EBF1: variants seen among roughly 807,000 people sequenced by gnomAD.
EBF1 encodes transcription factor COE1.
EBF1 carries 10 observed loss-of-function variants against 68.4 expected under a neutral mutation model. That is an observed-to-expected ratio of 0.15 (90% CI 0.09 to 0.25). The LOEUF (loss-of-function observed/expected upper bound fraction) is 0.25. Among genes scored for constraint, EBF1 ranks in the 10% least tolerant of loss-of-function variants. EBF1 has a pLI of 1.00. For synonymous variants in EBF1, 298 were observed against 299.8 expected (o/e 0.99, Z 0.06); for missense variants, 509 against 794.4 (o/e 0.64, Z 4.32).
intron 14 of EBF1, among the ~76,000 whole-genome samples, chr5:158,710,986 T>A (rs1759121031): frequency 6.6e-6 from 1 of 152,238 alleles, no homozygotes; most frequent in South Asian, 2.1e-4. Context: ...ATTTTATAGA[T>A]AAGGAGGCCA....
rs143629219 is a variant in EBF1, at chr5:158,994,316, T to G, written c.554+79080A>C. Among the ~76,000 whole-genome samples, 173 of 152,370 alleles carry G rather than the reference T, an allele frequency of 1.1e-3. 4 individuals carry two copies. In the East Asian group the frequency reaches 0.029, roughly 26 times the overall value. On this transcript the variant is annotated intron_variant, in intron 6 of 15. Coordinates refer to ENST00000313708, the MANE Select transcript of EBF1 (RefSeq NM_024007.5). ...TGAGCGATCTGATTCCAGATATTATTTGGGTACTGTGTACAGTGGCTTTGC... is the reference window on the plus strand; with the variant it reads ...TGAGCGATCTGATTCCAGATATTATGTGGGTACTGTGTACAGTGGCTTTGC...
At chr5:158,862,911 G>T (rs537682515) in intron 6 of EBF1, among the ~76,000 whole-genome samples, 20 of 152,312 alleles carry the variant, frequency 1.3e-4, no homozygotes, top group African/African-American at 4.8e-4. Context: ...ATTCTTGAAC[G>T]ATTGAATTCT....
At chr5:158,711,848 C>G (rs1441910988) in intron 14 of EBF1, among the ~76,000 whole-genome samples, 2 of 152,110 alleles carry the variant, frequency 1.3e-5, no homozygotes, top group Non-Finnish European at 1.5e-5. Context: ...CTGGGAGAAG[C>G]AGGAGTCAAC....
intron 6 of EBF1, among the ~76,000 whole-genome samples, chr5:159,044,136 G>C (rs1199631251): frequency 6.6e-6 from 1 of 152,110 alleles, no homozygotes; most frequent in East Asian, 1.9e-4. Flanking sequence ...ATGATGTTCT[G>C]TGTATATCAT....
chr5:158,994,331 AGTG>A (rs1433260113), intron 6 of EBF1, among the ~76,000 whole-genome samples: 2 of 152,230 alleles, frequency 1.3e-5, no homozygotes, highest in Non-Finnish European at 2.9e-5. Flanking sequence ...TACTGTGTAC[AGTG>A]GCTTTGCCCA....
intron 6 of EBF1, among the ~76,000 whole-genome samples, chr5:159,038,404 C>T (rs1157585507): frequency 6.6e-6 from 1 of 152,072 alleles, no homozygotes; most frequent in Non-Finnish European, 1.5e-5. Context: ...ATTCTCCAGT[C>T]GAGATGGACC....
chr5:158,925,628 T>C (rs1186391710), intron 6 of EBF1, among the ~76,000 whole-genome samples: 2 of 152,198 alleles, frequency 1.3e-5, no homozygotes, highest in African/African-American at 4.8e-5. Flanking sequence ...ACCTTGGGAA[T>C]TGTAGCCATG....
At chr5:158,856,022 T>C (rs1793934854) in intron 6 of EBF1, among the ~76,000 whole-genome samples, 1 of 152,192 alleles carries the variant, frequency 6.6e-6, no homozygotes, top group Non-Finnish European at 1.5e-5. Context: ...AACAATAGTT[T>C]ATTAAAACAA....
chr5:158,986,342 A>G (rs1003409606), intron 6 of EBF1: 1 of 152,166 alleles, frequency 6.6e-6, no homozygotes, highest in African/African-American at 2.4e-5. Context: ...TTTAAGATTA[A>G]AAAGAGTCAC....
intron 6 of EBF1, among the ~76,000 whole-genome samples, chr5:158,962,496 AG>A (rs1174068076): frequency 6.6e-6 from 1 of 152,188 alleles, no homozygotes; most frequent in Non-Finnish European, 1.5e-5. Context: ...CACACTCCCT[AG>A]GAAGAGTTTC....
chr5:158,866,707 G>A lies in EBF1; in HGVS notation c.555-26597C>T, dbSNP rs139042450. ...CGTTTATGAGTGCAGCTTTGTCGCC[G>A]TTAACAAATGATGTTCTGGCCCACT... is the stretch of plus-strand genomic sequence containing the variant. On this transcript the variant is annotated intron_variant, in intron 6 of 15. Coordinates refer to ENST00000313708, the MANE Select transcript of EBF1 (RefSeq NM_024007.5). 1.8e-3 allele frequency among the ~76,000 whole-genome samples: 275 copies of A among 151,496 alleles called. 2 individuals carry two copies. The East Asian group carries it at 0.027, about 15-fold the overall frequency.
intron 9 of EBF1, among the ~76,000 whole-genome samples, chr5:158,777,872 G>A (rs926589608): frequency 1.3e-5 from 2 of 152,082 alleles, no homozygotes; most frequent in Non-Finnish European, 2.9e-5. Context: ...GCCGAGCTTT[G>A]CCGTGACTCT....
intron 8 of EBF1, among the ~76,000 whole-genome samples, chr5:158,816,018 T>C (rs1783668363): frequency 6.6e-6 from 1 of 152,198 alleles, no homozygotes; most frequent in South Asian, 2.1e-4. Context: ...GGGAAATCAA[T>C]TGGTAAATTG....
At chr5:158,723,618 T>C (rs545438691) in intron 11 of EBF1, among the ~76,000 whole-genome samples, 1 of 152,248 alleles carries the variant, frequency 6.6e-6, no homozygotes, top group South Asian at 2.1e-4. Flanking sequence ...TTCAAAACTC[T>C]ATAAAAGACT....
At position 159,037,572 on chromosome 5, in the gene EBF1, C is replaced by T. The variant is rs867000118; in HGVS notation, c.554+35824G>A. On this transcript the variant is annotated intron_variant, in intron 6 of 15. Transcript: ENST00000313708. Reference sequence around the variant, plus strand: ...ATTGCAAGAACAAAAAACCAAACACCGCATATTCTCACTCATAGGTGGGAA... The same window carrying T: ...ATTGCAAGAACAAAAAACCAAACACTGCATATTCTCACTCATAGGTGGGAA... 8.0e-3 allele frequency among the ~76,000 whole-genome samples: 1,020 copies of T among 127,786 alleles called. 9 individuals carry two copies. Among genetic ancestry groups the T allele is most frequent in the African/African-American group, 0.028 (924 of 33,054 alleles). The allele number at this position is 127,786 out of a possible 152,430, so 83.8% of individuals were successfully genotyped here.
chr5:158,840,153 A>T (rs1436845749), intron 6 of EBF1, 43 bp from the exon 7 acceptor site: 22 of 1,508,942 alleles, frequency 1.5e-5, no homozygotes, highest in South Asian at 1.1e-5. Flanking sequence ...TCGGTTTCTG[A>T]CACGGGAGGG....
intron 6 of EBF1, among the ~76,000 whole-genome samples, chr5:158,997,494 T>C (rs966234680): frequency 3.3e-5 from 5 of 152,222 alleles, no homozygotes; most frequent in African/African-American, 1.2e-4. Flanking sequence ...ATCCAGATTC[T>C]ACCCTCAATG....
chr5:158,864,175 G>A (rs1443425520), intron 6 of EBF1, among the ~76,000 whole-genome samples: 1 of 125,508 alleles, frequency 8.0e-6, no homozygotes, highest in Non-Finnish European at 1.6e-5. Flanking sequence ...AGTGAGCCAA[G>A]ATCATGCCAC....
At chr5:158,840,296 C>T (rs945714692) in intron 6 of EBF1, among the ~76,000 whole-genome samples, 186 bp from the exon 7 acceptor site, 23 of 152,196 alleles carry the variant, frequency 1.5e-4, no homozygotes, top group African/African-American at 5.5e-4. Context: ...GCTGGACCTT[C>T]CTTATGACAC....
Sources: allele counts gnomAD v4.1 joint callset (sites outside exome capture counted in the v4.1 genomes callset), GRCh38; gene constraint gnomAD v4.1.1; transcripts MANE v1.5; gene names NCBI Gene and HGNC (gene_info 2026-07-23, HGNC 2026-07-21).